TAFA1: variants seen among roughly 807,000 people sequenced by gnomAD.
TAFA1 encodes the protein chemokine-like protein TAFA-1.
TAFA1 carries 4 observed loss-of-function variants against 18.5 expected under a neutral mutation model. The observed-to-expected ratio is 0.22, with a 90% CI of 0.11 to 0.49. The LOEUF is 0.49. TAFA1 is among the 20% of genes least tolerant of loss of function. The pLI, the probability that TAFA1 is intolerant of heterozygous loss-of-function variation, is 0.98. For missense variants in TAFA1, 147 were observed against 169.0 expected (o/e 0.87, Z 0.72); for synonymous variants, 56 against 55.2 (o/e 1.01, Z -0.06).
chr3:68,330,128 T>C (rs1159460363), intron 2 of TAFA1, among the ~76,000 whole-genome samples: 1 of 152,204 alleles, frequency 6.6e-6, no homozygotes, highest in African/African-American at 2.4e-5. Context: ...TTACAGAAAC[T>C]GGCTTTGTCC....
chr3:68,090,183 T>C (rs1333693615), intron 2 of TAFA1, among the ~76,000 whole-genome samples: 1 of 152,108 alleles, frequency 6.6e-6, no homozygotes, highest in Non-Finnish European at 1.5e-5. Context: ...AACCCAAGAG[T>C]CTTCTCTCCA....
chr3:68,122,491 A>G (rs2106863349), intron 2 of TAFA1, among the ~76,000 whole-genome samples: 1 of 152,346 alleles, frequency 6.6e-6, no homozygotes, highest in East Asian at 1.9e-4. Context: ...AAAAGATTAT[A>G]TGGATCTAGA....
At chr3:68,065,702 G>A (rs1393788500) in intron 2 of TAFA1, among the ~76,000 whole-genome samples, 1 of 148,474 alleles carries the variant, frequency 6.7e-6, no homozygotes, top group East Asian at 2.0e-4. Flanking sequence ...ATATACATAT[G>A]TGTGTATACA....
intron 2 of TAFA1, among the ~76,000 whole-genome samples, chr3:68,049,985 T>C (rs1292668115): frequency 6.6e-6 from 1 of 152,144 alleles, no homozygotes; most frequent in Non-Finnish European, 1.5e-5. Flanking sequence ...ATGTGGACTC[T>C]GGAGCTAGAT....
rs115504741 is a variant in TAFA1, at chr3:68,267,870, G to A, written c.119-149410G>A. On this transcript the variant is annotated intron_variant, in intron 2 of 4. Transcript: ENST00000478136. ...GTAGTCCACAATGGGAAGACTACTC[G>A]CACACGATAAATCTCTGCTAGACAA... Among the ~76,000 whole-genome samples, 1,133 of 152,066 alleles carry A rather than the reference G, an allele frequency of 7.5e-3. 18 individuals carry two copies. Among genetic ancestry groups the A allele is most frequent in the African/African-American group, 0.025 (1,054 of 41,484 alleles).
At chr3:68,171,029 T>G (rs190386311) in intron 2 of TAFA1, among the ~76,000 whole-genome samples, 2 of 152,310 alleles carry the variant, frequency 1.3e-5, no homozygotes, top group East Asian at 3.9e-4. Context: ...CCCCAAAAGA[T>G]GCCCATGTGT....
chr3:68,213,860 C>A (rs2066623195), intron 2 of TAFA1, among the ~76,000 whole-genome samples: 1 of 152,048 alleles, frequency 6.6e-6, no homozygotes, highest in Admixed American at 6.6e-5. Context: ...TTAGCACATT[C>A]TTCCAATATT....
chr3:68,381,549 A>C (rs992310476), intron 2 of TAFA1, among the ~76,000 whole-genome samples: 2 of 152,148 alleles, frequency 1.3e-5, no homozygotes, highest in Non-Finnish European at 2.9e-5. Flanking sequence ...ATGGGAGTTC[A>C]CTCATGATTT....
At chr3:68,461,165 C>G (rs1406125509) in intron 3 of TAFA1, among the ~76,000 whole-genome samples, 1 of 151,628 alleles carries the variant, frequency 6.6e-6, no homozygotes, top group African/African-American at 2.4e-5. Flanking sequence ...GTTTGTAATC[C>G]CAGCTACTCA....
chr3:68,361,102 G>T (rs1221186539), intron 2 of TAFA1, among the ~76,000 whole-genome samples: 1 of 151,912 alleles, frequency 6.6e-6, no homozygotes, highest in Non-Finnish European at 1.5e-5. Context: ...TTATTGTATA[G>T]GTGGGAAGTC....
intron 3 of TAFA1, among the ~76,000 whole-genome samples, chr3:68,513,555 C>A (rs187628021): frequency 2.4e-4 from 37 of 152,228 alleles, no homozygotes; most frequent in Non-Finnish European, 3.7e-4. Context: ...ATGTCCATAT[C>A]TTTTCTGTGG....
intron 3 of TAFA1, among the ~76,000 whole-genome samples, chr3:68,502,614 G>C (rs2072676705): frequency 5.7e-5 from 1 of 17,684 alleles, no homozygotes; most frequent in African/African-American, 2.9e-4. Context: ...ATTTCAGAGA[G>C]GACCCAGTTA....
At chr3:68,192,935 G>C (rs1453968225) in intron 2 of TAFA1, among the ~76,000 whole-genome samples, 1 of 151,642 alleles carries the variant, frequency 6.6e-6, no homozygotes, top group Non-Finnish European at 1.5e-5. Context: ...TGTGTCCATA[G>C]AGGCACAGGA....
intron 2 of TAFA1, chr3:68,145,082 G>GC: frequency 1.3e-6 from 2 of 1,493,730 alleles, no homozygotes; most frequent in Non-Finnish European, 1.9e-6. Context: ...GGAGCTCGAG[G>GC]CCCCTGGAGG....
chr3:68,384,431 G>A (rs1378039911), intron 2 of TAFA1, among the ~76,000 whole-genome samples: 1 of 151,958 alleles, frequency 6.6e-6, no homozygotes, highest in African/African-American at 2.4e-5. Context: ...TTAACCGAAA[G>A]CCATTCAGAG....
chr3:68,447,733 C>A (rs1340728476), intron 3 of TAFA1, among the ~76,000 whole-genome samples: 1 of 152,206 alleles, frequency 6.6e-6, no homozygotes, highest in Non-Finnish European at 1.5e-5. Context: ...ATTTTCATCT[C>A]TTGAGTGAAC....
At chr3:68,254,159 GTCTA>G (rs1178300782) in intron 2 of TAFA1, among the ~76,000 whole-genome samples, 42 of 119,820 alleles carry the variant, frequency 3.5e-4, no homozygotes, top group African/African-American at 8.7e-4. Flanking sequence ...CTATCTATCT[GTCTA>G]TCTATCTATC....
the TAFA1 span, among the ~76,000 whole-genome samples, chr3:67,997,808 ATTT>A: frequency 6.8e-6 from 1 of 146,158 alleles, no homozygotes; most frequent in Admixed American, 7.0e-5. Context: ...CCTGTTTTTA[ATTT>A]TTTGTTTCAT....
chr3:68,280,434 A>T (rs571542462), intron 2 of TAFA1, among the ~76,000 whole-genome samples: 6 of 152,080 alleles, frequency 3.9e-5, no homozygotes, highest in Non-Finnish European at 8.8e-5. Context: ...TCAACATTGT[A>T]TGTCTTGATG....
Sources: allele counts gnomAD v4.1 joint callset (sites outside exome capture counted in the v4.1 genomes callset), GRCh38; gene constraint gnomAD v4.1.1; transcripts MANE v1.5; gene names NCBI Gene and HGNC (gene_info 2026-07-23, HGNC 2026-07-21).